CARM1: variants seen among roughly 807,000 people sequenced by gnomAD.
CARM1 encodes histone-arginine methyltransferase CARM1.
CARM1 carries 14 observed loss-of-function variants against 72.7 expected under a neutral mutation model. The observed-to-expected ratio is 0.19, with a 90% CI of 0.13 to 0.30. The LOEUF is 0.30. CARM1 is among the 10% of genes least tolerant of loss of function. The pLI is 1.00. For missense variants in CARM1, 432 were observed against 833.7 expected, an observed-to-expected ratio of 0.52 and a Z score of 5.93; for synonymous variants, 333 against 345.5, an observed-to-expected ratio of 0.96 and a Z score of 0.40.
At chr19:10,884,251 G>T (rs1361979876) in intron 1 of CARM1, among the ~76,000 whole-genome samples, 2 of 149,716 alleles carry the variant, frequency 1.3e-5, no homozygotes, top group African/African-American at 2.5e-5. Context: ...TGAGGCAGGA[G>T]AATCTCTTGA....
chr19:10,916,891 C>T lies in CARM1; in HGVS notation c.1020+114C>T, dbSNP rs949277561. On this transcript the variant is annotated intron_variant, in intron 8 of 15. Transcript: ENST00000327064. The surrounding 1 kb of genome is among the most constrained non-coding windows in gnomAD (Gnocchi z 4.4). ...GAGCCCTCTCCTCTGCCCTGCACAG[C>T]GCTCTCACAGAGATTTGGGCCAAAA... 10 of 750,622 alleles carry T rather than the reference C, an allele frequency of 1.3e-5. No homozygotes were observed. The highest frequency in any genetic ancestry group is 3.5e-5 in the African/African-American group (2 of 56,710). 46.5% of individuals were successfully genotyped at this position (750,622 alleles called of 1,614,324 possible).
At chr19:10,878,602 C>G (rs951638652) in intron 1 of CARM1, among the ~76,000 whole-genome samples, 3 of 152,182 alleles carry the variant, frequency 2.0e-5, no homozygotes, top group Non-Finnish European at 4.4e-5. Flanking sequence ...CTTTGGCATT[C>G]TGGGTGACTG....
At chr19:10,884,301 A>G (rs1192828103) in intron 1 of CARM1, among the ~76,000 whole-genome samples, 1 of 150,476 alleles carries the variant, frequency 6.6e-6, no homozygotes, top group Non-Finnish European at 1.5e-5. Flanking sequence ...AGATCACACA[A>G]CTGCACTCCA....
Position 10,914,049 on chromosome 19 carries a change from C to A in CARM1, c.842C>A (p.Pro281His). Reference protein sequence around the residue: ...SYLHAKKYLKPSGNMFPTIGD... With the variant: ...SYLHAKKYLKHSGNMFPTIGD... ...CTCCACGCCAAGAAGTACCTGAAGC[C>A]CAGCGGTGAGCACTGGGGGGTACAC... Residue 281 changes from proline to histidine, a missense_variant, in exon 6 of 16, where the codon CCC (proline) becomes CAC (histidine). Coordinates refer to ENST00000327064, the MANE Select transcript of CARM1 (RefSeq NM_199141.2). 6.2e-7 allele frequency: 1 copy of A among 1,611,698 alleles called. No homozygotes were observed.
chr19:10,893,359 G>A (rs895899279), intron 1 of CARM1, among the ~76,000 whole-genome samples: 15 of 151,434 alleles, frequency 9.9e-5, no homozygotes, highest in African/African-American at 3.6e-4. Flanking sequence ...TTCATTTTGA[G>A]ACAGAGTCTT....
At chr19:10,894,552 G>GCTAC (rs894220353) in intron 1 of CARM1, among the ~76,000 whole-genome samples, 6 of 152,094 alleles carry the variant, frequency 3.9e-5, no homozygotes, top group African/African-American at 1.4e-4. Flanking sequence ...GGCTTCTACA[G>GCTAC]CTACCAGCTA....
rs576714524 is a variant in CARM1 at position 10,921,763 on chromosome 19, C to T, written c.*6C>T. 4.9e-5 allele frequency: 78 copies of T among 1,582,030 alleles called. No homozygotes were observed. The highest frequency in any genetic ancestry group is 2.7e-4 in the East Asian group (12 of 44,036). On this transcript the variant is annotated 3_prime_UTR_variant, in exon 16 of 16. Transcript: ENST00000327064. ...CCATGCACTACGGGAGCTAGGGGCC[C>T]GCCCCGCGGACTGACAGCACCAGGA... is the stretch of plus-strand genomic sequence containing the variant.
At chr19:10,898,878 A>C (rs1313665621) in intron 1 of CARM1, among the ~76,000 whole-genome samples, 1 of 152,140 alleles carries the variant, frequency 6.6e-6, no homozygotes, top group Non-Finnish European at 1.5e-5. Flanking sequence ...TGGGAACAGC[A>C]TGTGCAGAGG....
At chr19:10,903,593 G>A (rs551991333) in intron 1 of CARM1, among the ~76,000 whole-genome samples, 10 of 146,564 alleles carry the variant, frequency 6.8e-5, no homozygotes, top group South Asian at 2.1e-4. Context: ...AGGATCTCAC[G>A]TCTGTTGCCT....
At chr19:10,885,578 G>A (rs960117803) in intron 1 of CARM1, among the ~76,000 whole-genome samples, 3 of 152,176 alleles carry the variant, frequency 2.0e-5, no homozygotes, top group Non-Finnish European at 2.9e-5. Flanking sequence ...TAACCATCCC[G>A]GGCAGGGGGC....
chr19:10,920,414 T>C lies in CARM1; in HGVS notation c.1197-22T>C, dbSNP rs572301518. The C allele has an allele frequency of 1.9e-6, 3 of 1,600,570 alleles. No individual in the cohort carries two copies. Among genetic ancestry groups the C allele is most frequent in the Non-Finnish European group, 8.5e-7 (1 of 1,169,638 alleles). On this transcript the variant is annotated intron_variant, in intron 10 of 15. Coordinates refer to ENST00000327064, the MANE Select transcript of CARM1 (RefSeq NM_199141.2). This position sits in a 1 kb window ranked among gnomAD's most constrained non-coding sequence, Gnocchi z 5.3. ...GTGGTGGCGCCGGCCCAGTCAAGTA[T>C]GTGCCTGTCCCTGCTCCACAGAATG...
At chr19:10,874,410 C>A (rs544010199) in intron 1 of CARM1, among the ~76,000 whole-genome samples, 1 of 141,554 alleles carries the variant, frequency 7.1e-6, no homozygotes, top group Non-Finnish European at 1.5e-5. Context: ...TTTATTTTTT[C>A]AGACAGGGCC....
intron 1 of CARM1, among the ~76,000 whole-genome samples, chr19:10,889,336 A>G (rs888010445): frequency 4.7e-5 from 7 of 148,568 alleles, no homozygotes; most frequent in Non-Finnish European, 8.9e-5. Flanking sequence ...TTTTTTTGAG[A>G]CAGAGTCTCC....
chr19:10,908,249 G>A (rs1040240173), intron 3 of CARM1, 104 bp downstream of exon 3: 17 of 743,862 alleles, frequency 2.3e-5, no homozygotes, highest in Non-Finnish European at 3.1e-5. Flanking sequence ...CCAAGTTCCC[G>A]TCCTGGCTCT....
intron 1 of CARM1, among the ~76,000 whole-genome samples, chr19:10,875,729 T>A (rs1440298587): frequency 6.6e-6 from 1 of 151,758 alleles, no homozygotes; most frequent in Non-Finnish European, 1.5e-5. Context: ...CGGCCCCAGC[T>A]GTTCTTTTCT....
Position 10,913,398 on chromosome 19 carries a change from C to T in CARM1, c.670-479C>T, listed in dbSNP as rs551710062. 7.9e-5 allele frequency among the ~76,000 whole-genome samples: 12 copies of T among 151,822 alleles called. 1 individual carries two copies. In the South Asian group the frequency reaches 2.5e-3, roughly 32 times the overall value. ...ACGTGGCAAAACCCCATTAGCCAGG[C>T]GTGGTGGTGGGTGCCTGTAGTCCCA... On this transcript the variant is annotated intron_variant, in intron 5 of 15. Transcript: ENST00000327064.
intron 15 of CARM1, 55 bp from the exon 16 acceptor site, chr19:10,921,560 G>C (rs2074250456): frequency 1.9e-6 from 3 of 1,579,014 alleles, no homozygotes; most frequent in Admixed American, 1.8e-5. Context: ...CTGTGACTCT[G>C]CCTGGGGGCT....
In CARM1 at chr19:10,921,715, G is replaced by A. The variant is rs144419564; in HGVS notation, c.1785G>A (p.Ser595=). 3.1e-4 allele frequency: 505 copies of A among 1,613,356 alleles called. 1 individual carries two copies. Among genetic ancestry groups the A allele is most frequent in the Admixed American group, 5.2e-4 (31 of 59,966 alleles). The stretch of plus-strand genomic sequence containing the variant: ...GCGGCCCCGCCATCTCCATGGCGTC[G>A]CCCATGTCCATCCCGACCAACACCA... The part of the protein sequence containing the change: ...TMGGPAISMA[S]PMSIPTNTMH... Residue 595 remains serine (S), a synonymous_variant, in exon 16 of 16, where the codon TCG becomes TCA. Transcript: ENST00000327064.
chr19:10,901,831 C>T (rs1421743658), intron 1 of CARM1, among the ~76,000 whole-genome samples: 1 of 152,164 alleles, frequency 6.6e-6, no homozygotes, highest in Non-Finnish European at 1.5e-5. Context: ...ATCCCAGCTA[C>T]TCAGGAGGCT....
Sources: gnomAD v4.1 joint callset for allele counts (sites outside exome capture counted in the v4.1 genomes callset) on GRCh38, gnomAD v4.1.1 for gene constraint, Gnocchi (gnomAD v3.1) non-coding constraint, MANE v1.5 for transcripts, NCBI Gene and HGNC (gene_info 2026-07-23, HGNC 2026-07-21) for gene names.